The following C12orf42 variants were observed in gnomAD, a reference collection of about 807,000 sequenced individuals.
The protein encoded by C12orf42 is uncharacterized protein C12orf42.
In C12orf42, 25 loss-of-function variants were observed where a neutral mutation model predicts 21.6. That is an observed-to-expected ratio of 1.16 (90% CI 0.84 to 1.62). The LOEUF (loss-of-function observed/expected upper bound fraction) is 1.62. Ranked by LOEUF, C12orf42 falls within the 40% of genes most tolerant of loss-of-function variation. The pLI is 0.00. For missense variants in C12orf42, 483 were observed against 459.3 expected, an observed-to-expected ratio of 1.05 and a Z score of -0.47; for synonymous variants, 174 against 175.0, an observed-to-expected ratio of 0.99 and a Z score of 0.05.
At chr12:103,555,281 C>A in the C12orf42 span, among the ~76,000 whole-genome samples, 1 of 152,116 alleles carries the variant, frequency 6.6e-6, no homozygotes, top group African/African-American at 2.4e-5. Context: ...CAAGAAGGAG[C>A]AAGTCACATC....
chr12:103,362,277 T>A (rs961247110), intron 4 of C12orf42, among the ~76,000 whole-genome samples: 1 of 151,988 alleles, frequency 6.6e-6, no homozygotes, highest in Non-Finnish European at 1.5e-5. Context: ...ACAGCTCAGC[T>A]CTCAGGAAGC....
chr12:103,153,562 A>T, the C12orf42 span, among the ~76,000 whole-genome samples: 1 of 152,164 alleles, frequency 6.6e-6, no homozygotes, highest in Admixed American at 6.6e-5. Flanking sequence ...TGGCTAACAA[A>T]TTTATTAAAA....
chr12:103,354,016 A>T (rs2043318252), intron 4 of C12orf42, among the ~76,000 whole-genome samples: 1 of 152,172 alleles, frequency 6.6e-6, no homozygotes, highest in Non-Finnish European at 1.5e-5. Context: ...CTATAATGTG[A>T]TTCTGAAACC....
At chr12:103,424,203 G>C (rs1949609648) in intron 2 of C12orf42, among the ~76,000 whole-genome samples, 1 of 152,182 alleles carries the variant, frequency 6.6e-6, no homozygotes, top group East Asian at 1.9e-4. Flanking sequence ...CATGCCATGG[G>C]CACAAAAAAT....
chr12:103,054,917 T>C, the C12orf42 span, among the ~76,000 whole-genome samples: 4 of 151,954 alleles, frequency 2.6e-5, no homozygotes, highest in Non-Finnish European at 5.9e-5. Flanking sequence ...ATCTCTAGAA[T>C]AAACCTCACT....
the C12orf42 span, among the ~76,000 whole-genome samples, chr12:103,211,761 A>G: frequency 6.6e-6 from 1 of 152,236 alleles, no homozygotes; most frequent in Admixed American, 6.5e-5. Flanking sequence ...AGTGGGAAAC[A>G]GTAAATGCTT....
chr12:103,214,865 C>G, the C12orf42 span, among the ~76,000 whole-genome samples: 13 of 152,278 alleles, frequency 8.5e-5, 1 homozygote, highest in South Asian at 2.3e-3. Flanking sequence ...CATCCCCTGA[C>G]ATCCTGACCT....
intron 4 of C12orf42, among the ~76,000 whole-genome samples, chr12:103,280,658 A>G (rs2036057381): frequency 6.6e-6 from 1 of 152,194 alleles, no homozygotes; most frequent in African/African-American, 2.4e-5. Context: ...AGACAGAAAC[A>G]AGTAAAGGAT....
At chr12:103,113,945 A>G in the C12orf42 span, among the ~76,000 whole-genome samples, 3 of 152,214 alleles carry the variant, frequency 2.0e-5, no homozygotes, top group Non-Finnish European at 4.4e-5. Context: ...CATGTACATG[A>G]ATGCTACTAT....
chr12:103,374,546 T>C (rs1013828823), intron 3 of C12orf42, among the ~76,000 whole-genome samples: 2 of 152,284 alleles, frequency 1.3e-5, no homozygotes, highest in Admixed American at 6.5e-5. Flanking sequence ...AAGAGATCTG[T>C]ATTTGTGAGA....
At chr12:103,390,763 C>T (rs115078387) in intron 3 of C12orf42, among the ~76,000 whole-genome samples, 11 of 152,280 alleles carry the variant, frequency 7.2e-5, no homozygotes, top group South Asian at 2.1e-4. Context: ...AATGTCCAAG[C>T]GCAAGAGATG....
At chr12:103,103,207 G>T in the C12orf42 span, among the ~76,000 whole-genome samples, 1 of 152,176 alleles carries the variant, frequency 6.6e-6, no homozygotes, top group Non-Finnish European at 1.5e-5. Flanking sequence ...ATTACACAAT[G>T]TGTGCACATC....
At chr12:103,294,583 GGAAAGAAAGAAA>G (rs60577440) in intron 4 of C12orf42, among the ~76,000 whole-genome samples, 1,741 of 80,282 alleles carry the variant, frequency 0.022, 25 homozygotes, top group Non-Finnish European at 0.029. Context: ...AAGGAAGGAA[GGAAAGAAAGAAA>G]GAAAGAAAGA....
chr12:103,166,705 T>C, the C12orf42 span, among the ~76,000 whole-genome samples: 1 of 152,228 alleles, frequency 6.6e-6, no homozygotes, highest in Non-Finnish European at 1.5e-5. Context: ...TTTATCCTTT[T>C]CTTTCTTCTT....
chr12:103,478,522 C>G (rs753934081), intron 1 of C12orf42, 75 bp from the exon 2 acceptor site: 5 of 609,386 alleles, frequency 8.2e-6, no homozygotes, highest in Non-Finnish European at 1.3e-5. Flanking sequence ...AAAATGACAT[C>G]TTTAAGAGCC....
intron 1 of C12orf42, among the ~76,000 whole-genome samples, chr12:103,481,403 C>G (rs1428559319): frequency 6.6e-6 from 1 of 151,882 alleles, no homozygotes; most frequent in Non-Finnish European, 1.5e-5. Context: ...GATCAAGAGT[C>G]TGTCACATCC....
intron 2 of C12orf42, among the ~76,000 whole-genome samples, chr12:103,437,747 A>T (rs1950853957): frequency 6.8e-6 from 1 of 147,978 alleles, no homozygotes; most frequent in African/African-American, 2.5e-5. Flanking sequence ...AGGATCTGAA[A>T]TTGAGACAAT....
chr12:103,263,687 C>A (rs2035024332), downstream of C12orf42, among the ~76,000 whole-genome samples: 1 of 152,164 alleles, frequency 6.6e-6, no homozygotes, highest in Admixed American at 6.6e-5. Flanking sequence ...CACCATGCCC[C>A]TGCATCCTAC....
chr12:103,262,498 T>C (rs1212989886), intron 10 of C12orf42: 2 of 152,250 alleles, frequency 1.3e-5, no homozygotes, highest in African/African-American at 4.8e-5. Flanking sequence ...TTTATAACTC[T>C]AGTTATTTCT....
Sources: allele counts gnomAD v4.1 joint callset (sites outside exome capture counted in the v4.1 genomes callset), GRCh38; gene constraint gnomAD v4.1.1; transcripts MANE v1.5; gene names NCBI Gene and HGNC (gene_info 2026-07-23, HGNC 2026-07-21).